Variants in PDE11A observed in about 807,000 individuals in gnomAD.
PDE11A encodes the protein dual 3',5'-cyclic-AMP and -GMP phosphodiesterase 11A.
A neutral mutation model predicts 100.5 loss-of-function variants in PDE11A; 100 were observed. The ratio of observed to expected loss-of-function variants is 1.00; its 90% CI spans 0.85 to 1.18. The LOEUF (loss-of-function observed/expected upper bound fraction) is 1.18. Ranked by LOEUF, PDE11A falls within the 50% of genes most tolerant of loss-of-function variation. The probability of loss-of-function intolerance (pLI) is 0.00; values close to 1 mark genes in which losing one functional copy is unlikely to be tolerated. For missense variants in PDE11A, 1,141 were observed against 1,152.6 expected, an observed-to-expected ratio of 0.99 and a Z score of 0.15; for synonymous variants, 381 against 420.8, an observed-to-expected ratio of 0.91 and a Z score of 1.16.
At chr2:177,809,380 G>A (rs1195877040) in intron 9 of PDE11A, among the ~76,000 whole-genome samples, 2 of 152,182 alleles carry the variant, frequency 1.3e-5, no homozygotes, top group Non-Finnish European at 2.9e-5. Context: ...GGGAGGGTCA[G>A]GATGGGCCAG....
intron 9 of PDE11A, among the ~76,000 whole-genome samples, chr2:177,813,143 C>T (rs900731874): frequency 1.3e-4 from 20 of 152,212 alleles, no homozygotes; most frequent in Admixed American, 3.9e-4. Flanking sequence ...TTTTAAACAC[C>T]CTGCTCTGCC....
chr2:177,788,678 T>G (rs992129846), intron 9 of PDE11A, among the ~76,000 whole-genome samples: 35 of 150,840 alleles, frequency 2.3e-4, no homozygotes, highest in Non-Finnish European at 4.4e-4. Context: ...AAGAATCAAA[T>G]AGATGCAATA....
chr2:177,937,319 CTTTTT>C (rs33967413), intron 2 of PDE11A, among the ~76,000 whole-genome samples: 1 of 125,766 alleles, frequency 8.0e-6, no homozygotes. Context: ...AAATTGAAAG[CTTTTT>C]TTTTTTTTTT....
At chr2:178,050,814 G>A (rs1314774460) in intron 1 of PDE11A, among the ~76,000 whole-genome samples, 2 of 152,148 alleles carry the variant, frequency 1.3e-5, no homozygotes, top group African/African-American at 4.8e-5. Context: ...AGAAAAAAGA[G>A]TAAAAAGAAA....
chr2:177,753,463 C>T (rs1233423931), intron 10 of PDE11A, among the ~76,000 whole-genome samples: 1 of 151,996 alleles, frequency 6.6e-6, no homozygotes, highest in Non-Finnish European at 1.5e-5. Context: ...ACAGGTGGCA[C>T]TGCAGCCTGT....
At chr2:177,820,852 C>CA (rs3835952) in intron 6 of PDE11A, among the ~76,000 whole-genome samples, 59,719 of 151,592 alleles carry the variant, frequency 0.39, 12,918 homozygotes, top group African/African-American at 0.57. Context: ...TTCTGTACCC[C>CA]AAATATGTCA....
At chr2:177,842,307 A>G (rs1004067861) in intron 5 of PDE11A, among the ~76,000 whole-genome samples, 4 of 152,206 alleles carry the variant, frequency 2.6e-5, no homozygotes, top group African/African-American at 9.6e-5. Context: ...AGTTTTACCA[A>G]TAAGTGTCAA....
At chr2:177,908,635 C>T (rs1430749214) in intron 2 of PDE11A, among the ~76,000 whole-genome samples, 1 of 152,088 alleles carries the variant, frequency 6.6e-6, no homozygotes, top group Non-Finnish European at 1.5e-5. Context: ...CAAAGCTGGG[C>T]CCACAGGTGA....
At chr2:178,094,584 T>C (rs1345354062) in intron 2 of PDE11A, among the ~76,000 whole-genome samples, 1 of 152,148 alleles carries the variant, frequency 6.6e-6, no homozygotes, top group Admixed American at 6.5e-5. Flanking sequence ...AATTATGTAT[T>C]AATAAATAGG....
Position 177,666,420 on chromosome 2 carries a change from G to A in PDE11A, c.2563-2471C>T, listed in dbSNP as rs1003779620. Among the ~76,000 whole-genome samples, 52 of 152,320 alleles carry A rather than the reference G, an allele frequency of 3.4e-4. 1 individual carries two copies. Among genetic ancestry groups the A allele is most frequent in the Admixed American group, 2.9e-3 (45 of 15,304 alleles). On this transcript the variant is annotated intron_variant, in intron 18 of 19. Coordinates refer to ENST00000286063, the MANE Select transcript of PDE11A (RefSeq NM_016953.4). ...ATTTCTCTTGGGGATATACCTAGAG[G>A]TAGAATTTCTAAGTCATATGGTAAC...
intron 19 of PDE11A, among the ~76,000 whole-genome samples, chr2:177,636,584 T>C (rs2080041709): frequency 6.6e-6 from 1 of 152,196 alleles, no homozygotes; most frequent in African/African-American, 2.4e-5. Flanking sequence ...TATTATCCTC[T>C]TTATATATAT....
At chr2:177,952,877 G>A (rs2085521416) in intron 2 of PDE11A, among the ~76,000 whole-genome samples, 1 of 152,100 alleles carries the variant, frequency 6.6e-6, no homozygotes, top group African/African-American at 2.4e-5. Flanking sequence ...GGCAATTACT[G>A]CTTTTCCTGG....
At chr2:177,644,978 G>A (rs368194985) in intron 19 of PDE11A, among the ~76,000 whole-genome samples, 13 of 152,160 alleles carry the variant, frequency 8.5e-5, no homozygotes, top group African/African-American at 2.9e-4. Context: ...CCCCAGCAAC[G>A]TGGAACTGTA....
At chr2:177,904,087 C>T (rs1010504758) in intron 3 of PDE11A, among the ~76,000 whole-genome samples, 1 of 152,068 alleles carries the variant, frequency 6.6e-6, no homozygotes, top group African/African-American at 2.4e-5. Context: ...GGTTTCAAAC[C>T]TTTTTGAACA....
intron 6 of PDE11A, among the ~76,000 whole-genome samples, chr2:177,826,452 T>C (rs2083227195): frequency 6.6e-6 from 1 of 152,236 alleles, no homozygotes; most frequent in Non-Finnish European, 1.5e-5. Flanking sequence ...TGAGAAATTC[T>C]AGTAACCAGA....
At chr2:177,883,242 T>G (rs1189928139) in intron 4 of PDE11A, among the ~76,000 whole-genome samples, 1 of 146,288 alleles carries the variant, frequency 6.8e-6, no homozygotes, top group Non-Finnish European at 1.5e-5. Flanking sequence ...CACTCCAGCC[T>G]AAGTGACACA....
In PDE11A at chr2:177,979,530, G is replaced by A. The variant is rs543044576; in HGVS notation, c.1071+34772C>T. Among the ~76,000 whole-genome samples, 14 of 149,346 alleles carry A rather than the reference G, an allele frequency of 9.4e-5. 1 individual carries two copies. Among genetic ancestry groups the A allele is most frequent in the African/African-American group, 1.5e-4 (6 of 40,994 alleles). On this transcript the variant is annotated intron_variant, in intron 2 of 19. Transcript: ENST00000286063. ...AGGTAGGGTTTTCCTGGTATGCAGC[G>A]TCTCAATTCTGTGGAATCCAGGGAC...
chr2:178,105,383 T>C (rs1574401203), intron 1 of PDE11A, among the ~76,000 whole-genome samples: 1 of 152,130 alleles, frequency 6.6e-6, no homozygotes. Context: ...TGCTTGAACC[T>C]GGGAGGCGGA....
chr2:177,914,517 C>T (rs1029294358), intron 2 of PDE11A, among the ~76,000 whole-genome samples: 2 of 152,132 alleles, frequency 1.3e-5, no homozygotes, highest in Non-Finnish European at 2.9e-5. Context: ...ATTCCATCTG[C>T]CTTTGTAACT....
Sources: allele counts gnomAD v4.1 joint callset (sites outside exome capture counted in the v4.1 genomes callset), GRCh38; gene constraint gnomAD v4.1.1; transcripts MANE v1.5; gene names NCBI Gene and HGNC (gene_info 2026-07-23, HGNC 2026-07-21).